The following TNFSF12 variants were observed in gnomAD, a reference collection of about 807,000 sequenced individuals.
TNFSF12 encodes the protein TNF superfamily member 12, also known as tumor necrosis factor ligand superfamily member 12.
In TNFSF12, 16 loss-of-function variants were observed where a neutral mutation model predicts 31.2. That is an observed-to-expected ratio of 0.51 (90% CI 0.35 to 0.78). TNFSF12 has a LOEUF of 0.78. Among genes scored for constraint, TNFSF12 ranks in the 30% least tolerant of loss-of-function variants. The probability of loss-of-function intolerance (pLI) is 0.01; values close to 1 mark genes in which losing one functional copy is unlikely to be tolerated. For missense variants in TNFSF12, 324 were observed against 338.8 expected (o/e 0.96, Z 0.34); for synonymous variants, 150 against 151.4 (o/e 0.99, Z 0.07).
rs1468903893 is a variant in TNFSF12, at chr17:7,549,673, G to A, written c.207+152G>A. 12 of 1,243,590 alleles carry A rather than the reference G, an allele frequency of 9.6e-6. No individual in the cohort carries two copies. The highest frequency in any genetic ancestry group is 1.3e-5 in the Non-Finnish European group (12 of 930,772). The allele number at this position is 1,243,590 out of a possible 1,614,324, so 77.0% of individuals were successfully genotyped here. ...CGTGCATGGGTGCGTGTCTGCAGGG[G>A]TGTGTGTGCGTGGTGACAACTCTGT... On this transcript the variant is annotated intron_variant, in intron 2 of 6. Transcript: ENST00000293825. This position sits in a 1 kb window ranked among gnomAD's most constrained non-coding sequence, Gnocchi z 4.1.
At position 7,549,211 on chromosome 17, in the gene TNFSF12, C is replaced by G; in HGVS notation, c.58C>G (p.Leu20Val). 5 of 1,344,796 alleles carry G rather than the reference C, an allele frequency of 3.7e-6. No homozygotes were observed. The highest frequency in any genetic ancestry group is 4.8e-6 in the Non-Finnish European group (5 of 1,052,606). The allele number at this position is 1,344,796 out of a possible 1,614,324, so 83.3% of individuals were successfully genotyped here. The change falls in exon 1 of 7, where the codon CTG (leucine) becomes GTG (valine). Residue 20 changes from leucine to valine, a missense_variant. Physicochemically the swap from Leu to Val is conservative, Grantham distance 32. Transcript: ENST00000293825. The surrounding 1 kb of genome is among the most constrained non-coding windows in gnomAD (Gnocchi z 4.1). The part of the protein sequence containing the change: ...RGRRGEPGTA[L>V]LVPLALGLGL... The stretch of plus-strand genomic sequence containing the variant: ...GCGCCGGGGGGAGCCGGGCACCGCC[C>G]TGCTGGTCCCGCTCGCGCTGGGCCT...
At chr17:7,555,017 C>T (rs2150907509) in intron 5 of TNFSF12, among the ~76,000 whole-genome samples, 1 of 152,012 alleles carries the variant, frequency 6.6e-6, no homozygotes, top group African/African-American at 2.4e-5. Context: ...TTTGGTGGCA[C>T]ATGCCTGTAA....
chr17:7,553,023 C>CTTTCTTTTTTTTTTTTTTTT (rs1567721053), intron 5 of TNFSF12, among the ~76,000 whole-genome samples: 1 of 66,054 alleles, frequency 1.5e-5, no homozygotes, highest in African/African-American at 7.2e-5. Context: ...CAGGGACAAC[C>CTTTCTTTTTTTTTTTTTTTT]TTTTTTTTTT....
In TNFSF12 at chr17:7,555,973, G is replaced by GTTTTTTTTTTTTTTTTTTTT. The variant is rs59248137; in HGVS notation, c.374-797_374-796insTTTTTTTTTTTTTTTTTTTT. ...GTGGAAATAAAAATGCCCAGTGAGC[G>GTTTTTTTTTTTTTTTTTTTT]TTTTTTTTGTTTTTTTTTTTTTTTG... On this transcript the variant is annotated intron_variant, in intron 5 of 6. Coordinates refer to ENST00000293825, the MANE Select transcript of TNFSF12 (RefSeq NM_003809.3). Among the ~76,000 whole-genome samples the GTTTTTTTTTTTTTTTTTTTT allele has an allele frequency of 2.0e-3, 140 of 70,872 alleles. 33 individuals carry two copies. Among genetic ancestry groups the GTTTTTTTTTTTTTTTTTTTT allele is most frequent in the Middle Eastern group, 0.021 (2 of 96 alleles). The allele number at this position is 70,872 out of a possible 152,430, so 46.5% of individuals were successfully genotyped here.
Position 7,549,381 on chromosome 17 carries a change from C to G in TNFSF12, c.159+69C>G. On this transcript the variant is annotated intron_variant, in intron 1 of 6. Coordinates refer to ENST00000293825, the MANE Select transcript of TNFSF12 (RefSeq NM_003809.3). This position sits in a 1 kb window ranked among gnomAD's most constrained non-coding sequence, Gnocchi z 4.1. Reference sequence around the variant, plus strand: ...GAGACTGCAGAGGGGCCGCTGGGGGCCGCGTGGGCTGAAGGCAAGGGGAAG... The same window carrying G: ...GAGACTGCAGAGGGGCCGCTGGGGGGCGCGTGGGCTGAAGGCAAGGGGAAG... 1 of 1,408,918 alleles carries G rather than the reference C, an allele frequency of 7.1e-7. No individual in the cohort carries two copies. Among genetic ancestry groups the G allele is most frequent in the Non-Finnish European group, 9.4e-7 (1 of 1,068,100 alleles). 87.3% of individuals were successfully genotyped at this position (1,408,918 alleles called of 1,614,324 possible).
At chr17:7,554,307 C>CTTTTTTTT (rs67090485) in intron 5 of TNFSF12, among the ~76,000 whole-genome samples, 8 of 73,012 alleles carry the variant, frequency 1.1e-4, no homozygotes, top group Non-Finnish European at 1.6e-4. Context: ...TATCCAGACT[C>CTTTTTTTT]TTTTTTTTTT....
intron 5 of TNFSF12, among the ~76,000 whole-genome samples, chr17:7,552,327 CTTTT>C (rs930416946): frequency 3.9e-5 from 5 of 128,902 alleles, no homozygotes; most frequent in Non-Finnish European, 6.6e-5. Flanking sequence ...ATATGGATGG[CTTTT>C]TTTTTTTTTT....
At chr17:7,551,407 T>C (rs1035863453) in intron 5 of TNFSF12, among the ~76,000 whole-genome samples, 2 of 152,036 alleles carry the variant, frequency 1.3e-5, no homozygotes, top group African/African-American at 4.8e-5. Context: ...ACACCCTCCC[T>C]ACCCCTCCAC....
In TNFSF12 at chr17:7,550,910, C is replaced by G. The variant is rs1326688886; in HGVS notation, c.338-33C>G. The G allele has an allele frequency of 1.9e-6, 3 of 1,613,938 alleles. No homozygotes were observed. Among genetic ancestry groups the G allele is most frequent in the Non-Finnish European group, 2.5e-6 (3 of 1,179,974 alleles). On this transcript the variant is annotated intron_variant, in intron 4 of 6. Transcript: ENST00000293825. The surrounding 1 kb of genome is among the most constrained non-coding windows in gnomAD (Gnocchi z 4.4). ...AGGGGCAGGTGGCAGAGGGTCAGGG[C>G]AGGTCTCACCAGCCTTTTCCTGTAC...
At chr17:7,553,867 G>C in intron 5 of TNFSF12, 1 of 1,108,890 alleles carries the variant, frequency 9.0e-7, no homozygotes. Flanking sequence ...GGGAACCTTT[G>C]CTCGATGACT....
Position 7,549,517 on chromosome 17 carries a change from C to G in TNFSF12, c.203C>G (p.Pro68Arg). 1.9e-6 allele frequency: 3 copies of G among 1,550,528 alleles called. No homozygotes were observed. The highest frequency in any genetic ancestry group is 2.4e-5 in the East Asian group (1 of 42,098). Residue 68 changes from proline to arginine, a missense_variant, in exon 2 of 7, where the codon CCG (proline) becomes CGG (arginine). Pro to Arg is a moderately radical substitution (Grantham distance 103). Coordinates refer to ENST00000293825, the MANE Select transcript of TNFSF12 (RefSeq NM_003809.3). The surrounding 1 kb of genome is among the most constrained non-coding windows in gnomAD (Gnocchi z 4.1). ...CTGGTGGCAGAGGAGGACCAGGACC[C>G]GTCGGTGAGTGGGCGTGGGCGCGGT... ...EELVAEEDQD[P>R]SELNPQTEES...
At position 7,555,973 on chromosome 17, in the gene TNFSF12, G is replaced by GTTTTTTTT. The variant is rs59248137; in HGVS notation, c.374-804_374-797dup. On this transcript the variant is annotated intron_variant, in intron 5 of 6. Coordinates refer to ENST00000293825, the MANE Select transcript of TNFSF12 (RefSeq NM_003809.3). ...GTGGAAATAAAAATGCCCAGTGAGC[G>GTTTTTTTT]TTTTTTTTGTTTTTTTTTTTTTTTG... 6.6e-3 allele frequency among the ~76,000 whole-genome samples: 466 copies of GTTTTTTTT among 70,812 alleles called. 33 individuals carry two copies. The highest frequency in any genetic ancestry group is 8.2e-3 in the Non-Finnish European group (313 of 38,388). The allele number at this position is 70,812 out of a possible 152,430, so 46.5% of individuals were successfully genotyped here.
At chr17:7,555,001 G>C (rs929021356) in intron 5 of TNFSF12, among the ~76,000 whole-genome samples, 6 of 151,986 alleles carry the variant, frequency 3.9e-5, no homozygotes, top group African/African-American at 1.4e-4. Context: ...AAAAAAATTA[G>C]CCAGGTTTGG....
At chr17:7,551,624 T>A (rs2071002415) in intron 5 of TNFSF12, among the ~76,000 whole-genome samples, 2 of 152,116 alleles carry the variant, frequency 1.3e-5, no homozygotes, top group African/African-American at 2.4e-5. Flanking sequence ...CTCACCAGAA[T>A]GTCTTTCCAC....
chr17:7,549,385 G>A lies in TNFSF12; in HGVS notation c.159+73G>A, dbSNP rs370073314. The A allele has an allele frequency of 2.8e-6, 4 of 1,408,276 alleles. No individual in the cohort carries two copies. Among genetic ancestry groups the A allele is most frequent in the Non-Finnish European group, 9.4e-7 (1 of 1,067,490 alleles). 87.2% of individuals were successfully genotyped at this position (1,408,276 alleles called of 1,614,324 possible). A position where few individuals can be genotyped will look rare whatever the true frequency, so the allele number is the denominator to read the frequency against. ...CTGCAGAGGGGCCGCTGGGGGCCGC[G>A]TGGGCTGAAGGCAAGGGGAAGGGAG... On this transcript the variant is annotated intron_variant, in intron 1 of 6. Coordinates refer to ENST00000293825, the MANE Select transcript of TNFSF12 (RefSeq NM_003809.3). The surrounding 1 kb of genome is among the most constrained non-coding windows in gnomAD (Gnocchi z 4.1).
Position 7,550,136 on chromosome 17 carries a change from C to CAGA in TNFSF12, c.229_231dup (p.Glu77dup). 6.2e-7 allele frequency: 1 copy of CAGA among 1,614,118 alleles called. No individual in the cohort carries two copies. The highest frequency in any genetic ancestry group is 8.5e-7 in the Non-Finnish European group (1 of 1,180,022). On this transcript the variant is annotated inframe_insertion, in exon 3 of 7. Transcript: ENST00000293825. This position sits in a 1 kb window ranked among gnomAD's most constrained non-coding sequence, Gnocchi z 4.4. ...TTCCCCTAGGAACTGAATCCCCAGA[C>CAGA]AGAAGAAAGCCAGGATCCTGCGCCT...
Position 7,556,825 on chromosome 17 carries a change from T to C in TNFSF12, c.421T>C (p.Ser141Pro). ...SGWEEARINS[S>P]SPLRYNRQIG... is the part of the protein sequence containing the mutation. ...CTGGGAGGAAGCCAGAATCAACAGC[T>C]CCAGCCCTCTGCGCTACAACCGCCA... Residue 141 changes from serine to proline, a missense_variant, in exon 6 of 7, where the codon TCC (serine) becomes CCC (proline). Transcript: ENST00000293825. 2 of 1,560,368 alleles carry C rather than the reference T, an allele frequency of 1.3e-6. No homozygotes were observed. Among genetic ancestry groups the C allele is most frequent in the Non-Finnish European group, 1.7e-6 (2 of 1,150,106 alleles).
chr17:7,549,237 G>A lies in TNFSF12; in HGVS notation c.84G>A (p.Leu28=). 7.2e-7 allele frequency: 1 copy of A among 1,386,666 alleles called. No homozygotes were observed. Among genetic ancestry groups the A allele is most frequent in the Non-Finnish European group, 9.3e-7 (1 of 1,074,666 alleles). The allele number at this position is 1,386,666 out of a possible 1,614,324, so 85.9% of individuals were successfully genotyped here. A position where few individuals can be genotyped will look rare whatever the true frequency, so the allele number is the denominator to read the frequency against. Residue 28 remains leucine (L), a synonymous_variant, in exon 1 of 7, where the codon CTG becomes CTA. Transcript: ENST00000293825. This position sits in a 1 kb window ranked among gnomAD's most constrained non-coding sequence, Gnocchi z 4.1. ...TALLVPLALG[L]GLALACLGLL... Reference sequence around the variant, plus strand: ...TGCTGGTCCCGCTCGCGCTGGGCCTGGGCCTGGCGCTGGCCTGCCTCGGCC... The same window carrying A: ...TGCTGGTCCCGCTCGCGCTGGGCCTAGGCCTGGCGCTGGCCTGCCTCGGCC...
chr17:7,549,364 A>C lies in TNFSF12; in HGVS notation c.159+52A>C. 7.1e-7 allele frequency: 1 copy of C among 1,417,866 alleles called. No homozygotes were observed. Among genetic ancestry groups the C allele is most frequent in the Non-Finnish European group, 9.3e-7 (1 of 1,074,314 alleles). 87.8% of individuals were successfully genotyped at this position (1,417,866 alleles called of 1,614,324 possible). On this transcript the variant is annotated intron_variant, in intron 1 of 6. Transcript: ENST00000293825. The surrounding 1 kb of genome is among the most constrained non-coding windows in gnomAD (Gnocchi z 4.1). ...TGGGCACATCAGGAGCTGAGACTGC[A>C]GAGGGGCCGCTGGGGGCCGCGTGGG... is the stretch of plus-strand genomic sequence containing the variant.
Sources: allele counts gnomAD v4.1 joint callset (sites outside exome capture counted in the v4.1 genomes callset), GRCh38; gene constraint gnomAD v4.1.1; non-coding constraint Gnocchi (gnomAD v3.1); transcripts MANE v1.5; gene names NCBI Gene and HGNC (gene_info 2026-07-23, HGNC 2026-07-21).